Variants in TSHR observed in about 807,000 individuals in gnomAD.
The protein encoded by TSHR is thyrotropin receptor.
TSHR carries 51 observed loss-of-function variants against 64.1 expected under a neutral mutation model. That is an observed-to-expected ratio of 0.80 (90% CI 0.64 to 1.01). The LOEUF is 1.01. TSHR is among the 50% of genes least tolerant of loss of function. The pLI, the probability that TSHR is intolerant of heterozygous loss-of-function variation, is 0.00. For missense variants in TSHR, 877 were observed against 942.8 expected (o/e 0.93, Z 0.91); for synonymous variants, 361 against 361.9 (o/e 1.00, Z 0.03).
intron 1 of TSHR, among the ~76,000 whole-genome samples, chr14:81,016,511 T>G (rs559386716): frequency 4.6e-5 from 7 of 152,356 alleles, no homozygotes; most frequent in Admixed American, 2.0e-4. Context: ...TTATATATAC[T>G]GGATATTAGC....
At chr14:81,088,105 C>A (rs1000552203) in intron 4 of TSHR, 77 bp downstream of exon 4, 1 of 1,173,298 alleles carries the variant, frequency 8.5e-7, no homozygotes, top group Non-Finnish European at 1.3e-6. Context: ...TCCCAGGAAT[C>A]TCCCTAGATG....
intron 1 of TSHR, among the ~76,000 whole-genome samples, chr14:81,029,143 T>A (rs1277631097): frequency 6.6e-6 from 1 of 152,016 alleles, no homozygotes. Flanking sequence ...TTAAAAACCA[T>A]AACAAAGGCC....
chr14:80,981,358 G>C (rs1888157476), intron 1 of TSHR, among the ~76,000 whole-genome samples: 1 of 152,122 alleles, frequency 6.6e-6, no homozygotes, highest in African/African-American at 2.4e-5. Flanking sequence ...TGAGTTTGAT[G>C]CAGTGGCGTC....
chr14:80,987,869 T>C (rs1164785731), intron 1 of TSHR, among the ~76,000 whole-genome samples: 1 of 152,210 alleles, frequency 6.6e-6, no homozygotes, highest in African/African-American at 2.4e-5. Flanking sequence ...TCTCTGTATA[T>C]GAAAATATTG....
At chr14:81,064,569 A>C (rs1364289768) in intron 2 of TSHR, among the ~76,000 whole-genome samples, 3 of 152,198 alleles carry the variant, frequency 2.0e-5, no homozygotes, top group African/African-American at 7.2e-5. Flanking sequence ...ACAAACAGAC[A>C]AAGATCCATG....
intron 8 of TSHR, among the ~76,000 whole-genome samples, chr14:81,124,435 A>G (rs1224479402): frequency 1.3e-5 from 2 of 152,146 alleles, no homozygotes; most frequent in East Asian, 1.9e-4. Context: ...CGACAAAACT[A>G]TATTACTCTA....
intron 8 of TSHR, among the ~76,000 whole-genome samples, chr14:81,115,478 G>T (rs1890456915): frequency 6.9e-6 from 1 of 144,698 alleles, no homozygotes; most frequent in Non-Finnish European, 1.5e-5. Context: ...GAAGTTTAGA[G>T]AAAAAAGAAT....
Position 81,143,061 on chromosome 14 carries a change from G to T in TSHR, c.1003G>T (p.Val335Phe). 1 of 1,614,162 alleles carries T rather than the reference G, an allele frequency of 6.2e-7. No homozygotes were observed. Among genetic ancestry groups the T allele is most frequent in the Non-Finnish European group, 8.5e-7 (1 of 1,180,042 alleles). The change falls in exon 10 of 10, where the codon GTT becomes TTT. Residue 335 changes from valine to phenylalanine, a missense_variant. Physicochemically the swap from Val to Phe is conservative, Grantham distance 50 (BLOSUM62 -1). Coordinates refer to ENST00000298171, the MANE Select transcript of TSHR (RefSeq NM_000369.5). ...TGAAGAGAATCTGGGTGACAGCATT[G>T]TTGGGTACAAGGAAAAGTCCAAGTT... Reference protein sequence around the residue: ...EYEENLGDSIVGYKEKSKFQD... With the variant: ...EYEENLGDSIFGYKEKSKFQD...
intron 1 of TSHR, among the ~76,000 whole-genome samples, chr14:80,968,476 G>T (rs1048513605): frequency 4.6e-5 from 7 of 152,022 alleles, no homozygotes; most frequent in African/African-American, 1.7e-4. Context: ...ATGCAAGAGG[G>T]TTTGGGAAAT....
At chr14:80,981,327 GT>G (rs1888155190) in intron 1 of TSHR, among the ~76,000 whole-genome samples, 1 of 152,070 alleles carries the variant, frequency 6.6e-6, no homozygotes, top group African/African-American at 2.4e-5. Context: ...TCTCAAGAAG[GT>G]TTTTTTAAAA....
intron 3 of TSHR, among the ~76,000 whole-genome samples, chr14:81,080,379 G>T (rs1887815752): frequency 6.6e-6 from 1 of 152,210 alleles, no homozygotes; most frequent in Admixed American, 6.5e-5. Flanking sequence ...TCAAGTGGAT[G>T]CATCAGAGGT....
chr14:81,008,149 A>C (rs1889700630), intron 1 of TSHR, among the ~76,000 whole-genome samples: 1 of 150,362 alleles, frequency 6.7e-6, no homozygotes, highest in African/African-American at 2.4e-5. Context: ...CTTCAAACAC[A>C]AACTTGTAGA....
At chr14:80,964,690 C>T (rs111665801) in intron 1 of TSHR, among the ~76,000 whole-genome samples, 63 of 152,310 alleles carry the variant, frequency 4.1e-4, no homozygotes, top group African/African-American at 1.2e-3. Flanking sequence ...CAAAGGTGTC[C>T]TTGACCCCTC....
At chr14:81,116,707 C>T (rs1359502609) in intron 8 of TSHR, among the ~76,000 whole-genome samples, 1 of 147,416 alleles carries the variant, frequency 6.8e-6, no homozygotes, top group South Asian at 2.2e-4. Context: ...GAACTCTCCA[C>T]CCCAAATCAA....
At chr14:81,093,571 A>G (rs1422953948) in intron 6 of TSHR, 1 of 152,204 alleles carries the variant, frequency 6.6e-6, no homozygotes. Flanking sequence ...AAACCTGATC[A>G]AATTACTCAC....
At chr14:81,066,855 T>C (rs983120747) in intron 2 of TSHR, among the ~76,000 whole-genome samples, 4 of 152,194 alleles carry the variant, frequency 2.6e-5, no homozygotes, top group Non-Finnish European at 4.4e-5. Context: ...CATCTGTCAA[T>C]TGTTCATTTT....
At chr14:80,965,954 A>C (rs77734610) in intron 1 of TSHR, among the ~76,000 whole-genome samples, 2,122 of 152,314 alleles carry the variant, frequency 0.014, 15 homozygotes, top group Middle Eastern at 0.048. Flanking sequence ...ATATTTCATC[A>C]TCCTTTTAAT....
At chr14:81,133,213 A>G (rs1485669946) in intron 8 of TSHR, among the ~76,000 whole-genome samples, 1 of 152,242 alleles carries the variant, frequency 6.6e-6, no homozygotes, top group Non-Finnish European at 1.5e-5. Flanking sequence ...CCTTAAAAAG[A>G]TGAGAAAGGA....
intron 8 of TSHR, among the ~76,000 whole-genome samples, chr14:81,111,373 T>C (rs936338927): frequency 1.3e-5 from 2 of 152,324 alleles, no homozygotes; most frequent in South Asian, 4.1e-4. Context: ...AGCAGTAGTC[T>C]AGATGATTAG....
Sources: gnomAD v4.1 joint callset for allele counts (sites outside exome capture counted in the v4.1 genomes callset) on GRCh38, gnomAD v4.1.1 for gene constraint, MANE v1.5 for transcripts, NCBI Gene and HGNC (gene_info 2026-07-23, HGNC 2026-07-21) for gene names.